Variants in LRRC4C observed in about 807,000 individuals in gnomAD.
LRRC4C encodes the protein leucine-rich repeat-containing protein 4C.
In LRRC4C, 5 loss-of-function variants were observed where a neutral mutation model predicts 33.6. The observed-to-expected ratio is 0.15, with a 90% CI of 0.08 to 0.31. The LOEUF is 0.31. Among genes scored for constraint, LRRC4C ranks in the 10% least tolerant of loss-of-function variants. LRRC4C has a pLI of 1.00. For missense variants in LRRC4C, 560 were observed against 796.7 expected (o/e 0.70, Z 3.58); for synonymous variants, 329 against 302.0 (o/e 1.09, Z -0.93).
intron 2 of LRRC4C, among the ~76,000 whole-genome samples, chr11:40,708,320 G>A (rs990977395): frequency 6.6e-6 from 1 of 152,106 alleles, no homozygotes; most frequent in African/African-American, 2.4e-5. Context: ...ATCAATTTTA[G>A]ATCTTTCCTG....
intron 3 of LRRC4C, among the ~76,000 whole-genome samples, chr11:40,453,474 T>G (rs1590788756): frequency 6.6e-6 from 1 of 152,152 alleles, no homozygotes; most frequent in Admixed American, 6.5e-5. Context: ...TTGAAAGAAA[T>G]AATTAATACC....
Position 40,444,464 on chromosome 11 carries a change from C to T in LRRC4C, c.-269-124743G>A, listed in dbSNP as rs36023466. 3.1e-3 allele frequency among the ~76,000 whole-genome samples: 463 copies of T among 150,092 alleles called. 3 individuals are homozygous for T. The highest frequency in any genetic ancestry group is 6.9e-3 in the Middle Eastern group (2 of 288). On this transcript the variant is annotated intron_variant, in intron 3 of 6. Coordinates refer to ENST00000528697, the MANE Select transcript of LRRC4C (RefSeq NM_001258419.2). ...TTGGGATTACTTTATCTAATGTTTC[C>T]GAATAAGCATCTATTGATTAATGTG...
At chr11:41,390,464 G>A (rs1953546555) in intron 1 of LRRC4C, among the ~76,000 whole-genome samples, 1 of 151,774 alleles carries the variant, frequency 6.6e-6, no homozygotes, top group South Asian at 2.1e-4. Context: ...CCTGCCCTTA[G>A]GATGATTTTC....
At chr11:41,143,437 G>T (rs1192659790) in intron 1 of LRRC4C, among the ~76,000 whole-genome samples, 2 of 152,032 alleles carry the variant, frequency 1.3e-5, no homozygotes, top group Non-Finnish European at 2.9e-5. Flanking sequence ...CAAAAGAAGG[G>T]CTCCTACTTT....
At chr11:40,775,635 A>G (rs1223870732) in intron 2 of LRRC4C, among the ~76,000 whole-genome samples, 1 of 152,198 alleles carries the variant, frequency 6.6e-6, no homozygotes. Flanking sequence ...TTTGTATACT[A>G]AACTTACTGA....
intron 3 of LRRC4C, among the ~76,000 whole-genome samples, chr11:40,364,288 A>G (rs1254879031): frequency 6.6e-6 from 1 of 152,000 alleles, no homozygotes; most frequent in African/African-American, 2.4e-5. Flanking sequence ...ACCTAGACCA[A>G]AAAAAATTAG....
intron 1 of LRRC4C, among the ~76,000 whole-genome samples, chr11:41,326,860 C>T (rs145849669): frequency 6.6e-6 from 1 of 152,278 alleles, no homozygotes; most frequent in South Asian, 2.1e-4. Context: ...CCTATAACTC[C>T]CGATACTCTA....
At chr11:40,288,686 TC>T (rs1944003065) in intron 4 of LRRC4C, among the ~76,000 whole-genome samples, 1 of 152,194 alleles carries the variant, frequency 6.6e-6, no homozygotes, top group South Asian at 2.1e-4. Context: ...TTCTATATAT[TC>T]TAATGAGTCT....
intron 2 of LRRC4C, among the ~76,000 whole-genome samples, chr11:40,702,873 C>G (rs1349358605): frequency 6.6e-6 from 1 of 152,086 alleles, no homozygotes; most frequent in Non-Finnish European, 1.5e-5. Context: ...CTTCATCCCC[C>G]TGTGTGAAAA....
At chr11:40,558,256 T>C (rs911058228) in intron 3 of LRRC4C, among the ~76,000 whole-genome samples, 1 of 152,246 alleles carries the variant, frequency 6.6e-6, no homozygotes. Flanking sequence ...CTTAAAACAT[T>C]CAAACATTTT....
At chr11:41,321,824 T>C (rs1351930705) in intron 1 of LRRC4C, among the ~76,000 whole-genome samples, 5 of 152,130 alleles carry the variant, frequency 3.3e-5, no homozygotes, top group African/African-American at 4.8e-5. Flanking sequence ...GTAGCCTGTG[T>C]GCATTCCCAA....
chr11:41,003,746 C>T (rs1854545035), intron 1 of LRRC4C, among the ~76,000 whole-genome samples: 1 of 151,850 alleles, frequency 6.6e-6, no homozygotes, highest in African/African-American at 2.4e-5. Context: ...GTATTATTCA[C>T]TGTGCACAAT....
At chr11:40,638,634 G>A (rs1941912544) in intron 3 of LRRC4C, among the ~76,000 whole-genome samples, 1 of 152,016 alleles carries the variant, frequency 6.6e-6, no homozygotes, top group Non-Finnish European at 1.5e-5. Context: ...ATTAAATGGA[G>A]GAAGTTCTAC....
chr11:41,065,702 G>T (rs536451558), intron 1 of LRRC4C, among the ~76,000 whole-genome samples: 1 of 152,288 alleles, frequency 6.6e-6, no homozygotes, highest in Non-Finnish European at 1.5e-5. Context: ...CTGGGATGAA[G>T]CTTCCGGAGG....
chr11:40,845,249 G>T (rs1355975352), intron 2 of LRRC4C, among the ~76,000 whole-genome samples: 1 of 151,974 alleles, frequency 6.6e-6, no homozygotes, highest in Non-Finnish European at 1.5e-5. Context: ...GTGGTTTGCT[G>T]CATCCATCAG....
chr11:41,231,798 T>C (rs1947812069), intron 1 of LRRC4C, among the ~76,000 whole-genome samples: 3 of 151,854 alleles, frequency 2.0e-5, no homozygotes, highest in Non-Finnish European at 4.4e-5. Flanking sequence ...TATATGTATA[T>C]ATACAAATAT....
At chr11:40,116,382 T>C in intron 6 of LRRC4C, 48 bp from the exon 7 acceptor site, 1 of 1,500,844 alleles carries the variant, frequency 6.7e-7, no homozygotes, top group Non-Finnish European at 8.9e-7. Flanking sequence ...AGATTTATTC[T>C]AAGTGTCTTT....
intron 2 of LRRC4C, among the ~76,000 whole-genome samples, chr11:40,717,868 A>C (rs1174218348): frequency 1.3e-5 from 2 of 152,228 alleles, no homozygotes; most frequent in East Asian, 3.8e-4. Flanking sequence ...GATATGTTCT[A>C]TATTTCTGAA....
At chr11:40,346,538 G>A (rs1192500580) in intron 3 of LRRC4C, among the ~76,000 whole-genome samples, 3 of 152,232 alleles carry the variant, frequency 2.0e-5, no homozygotes, top group African/African-American at 7.2e-5. Flanking sequence ...AACAGACACC[G>A]AGGCCTATCA....
Sources: gnomAD v4.1 joint callset for allele counts (sites outside exome capture counted in the v4.1 genomes callset) on GRCh38, gnomAD v4.1.1 for gene constraint, MANE v1.5 for transcripts, NCBI Gene and HGNC (gene_info 2026-07-23, HGNC 2026-07-21) for gene names.